Variants in LONP2 observed in about 807,000 individuals in gnomAD.
LONP2 encodes the protein lon protease homolog 2, peroxisomal.
A neutral mutation model predicts 85.6 loss-of-function variants in LONP2; 60 were observed. The ratio of observed to expected loss-of-function variants is 0.70; its 90% confidence interval spans 0.57 to 0.87. The LOEUF is 0.87. LONP2 is among the 40% of genes least tolerant of loss of function. LONP2 has a pLI of 0.00. For missense variants in LONP2, 860 were observed against 1,063.5 expected (o/e 0.81, Z 2.66); for synonymous variants, 395 against 389.7 (o/e 1.01, Z -0.16).
At chr16:48,333,671 GGAGAGAGAGAAAGAGA>G (rs1959540854) in intron 11 of LONP2, among the ~76,000 whole-genome samples, 1 of 151,360 alleles carries the variant, frequency 6.6e-6, no homozygotes, top group South Asian at 2.1e-4. Context: ...AGTGTTGGGG[GGAGAGAGAGAAAGAGA>G]GAGAGAGAGA....
intron 4 of LONP2, among the ~76,000 whole-genome samples, chr16:48,260,540 A>T (rs773573578): frequency 6.6e-6 from 1 of 152,244 alleles, no homozygotes; most frequent in Non-Finnish European, 1.5e-5. Context: ...TTGAGGCTGC[A>T]GTAAGCAGTG....
rs182012803 is a variant in LONP2 at position 48,335,394 on chromosome 16, T to C, written c.1938+1036T>C. Among the ~76,000 whole-genome samples, 452 of 152,290 alleles carry C rather than the reference T, an allele frequency of 3.0e-3. 3 individuals are homozygous for C. Among genetic ancestry groups the C allele is most frequent in the Admixed American group, 7.1e-3 (109 of 15,298 alleles). On this transcript the variant is annotated intron_variant, in intron 12 of 14. Transcript: ENST00000285737. ...CCTATTTTCATCTTTCTCTCCTAAC[T>C]GTACCTCACAGCAGAAGGCCTGGGT...
downstream of LONP2, among the ~76,000 whole-genome samples, chr16:48,360,194 C>T (rs1960525617): frequency 1.3e-5 from 2 of 152,204 alleles, no homozygotes; most frequent in South Asian, 4.1e-4. Flanking sequence ...CACTTAGGTG[C>T]CTGGAAGTCT....
At chr16:48,336,011 C>T (rs974746268) in intron 12 of LONP2, among the ~76,000 whole-genome samples, 2 of 152,196 alleles carry the variant, frequency 1.3e-5, no homozygotes, top group Non-Finnish European at 2.9e-5. Context: ...AGTGAAGACG[C>T]AAACAGGTTT....
downstream of LONP2, chr16:48,357,397 T>A (rs944816236): frequency 4.6e-5 from 7 of 152,228 alleles, no homozygotes; most frequent in African/African-American, 1.7e-4. Context: ...TACTCCTTTG[T>A]GCTTTGAACA....
intron 1 of LONP2, among the ~76,000 whole-genome samples, chr16:48,246,075 G>A (rs1055791480): frequency 6.6e-6 from 1 of 152,032 alleles, no homozygotes; most frequent in Non-Finnish European, 1.5e-5. Flanking sequence ...AGAATCCTTT[G>A]CTTTCTTCAG....
At chr16:48,336,438 C>T (rs1351890972) in intron 12 of LONP2, 8 of 455,986 alleles carry the variant, frequency 1.8e-5, no homozygotes, top group Middle Eastern at 3.2e-4. Flanking sequence ...TGCGTGCGTG[C>T]GGAGAGACCA....
downstream of LONP2, chr16:48,361,502 G>A: frequency 6.8e-6 from 10 of 1,464,208 alleles, no homozygotes; most frequent in Non-Finnish European, 9.5e-6. Context: ...AGAGTTTTAG[G>A]TTGGCAGACA....
At chr16:48,262,259 CCTCA>C (rs1436218112) in intron 5 of LONP2, among the ~76,000 whole-genome samples, 1 of 152,062 alleles carries the variant, frequency 6.6e-6, no homozygotes, top group African/African-American at 2.4e-5. Context: ...TATGAGCAGA[CCTCA>C]CTCATCTCTG....
At chr16:48,261,665 T>A in intron 5 of LONP2, 78 bp downstream of exon 5, 1 of 1,076,472 alleles carries the variant, frequency 9.3e-7, no homozygotes. Flanking sequence ...ACTACTCTTT[T>A]CTCCAATACT....
downstream of LONP2, among the ~76,000 whole-genome samples, chr16:48,359,399 T>C (rs1177343825): frequency 2.0e-5 from 3 of 152,256 alleles, no homozygotes; most frequent in African/African-American, 4.8e-5. Flanking sequence ...TATAAATCTG[T>C]GGTTGAACTG....
chr16:48,307,533 G>A (rs897081866), intron 11 of LONP2, among the ~76,000 whole-genome samples: 6 of 152,074 alleles, frequency 3.9e-5, no homozygotes, highest in Non-Finnish European at 1.5e-5. Context: ...AGCAAAGAAG[G>A]ATTTATATTA....
At chr16:48,339,161 A>G (rs1192352104) in intron 12 of LONP2, among the ~76,000 whole-genome samples, 1 of 152,168 alleles carries the variant, frequency 6.6e-6, no homozygotes, top group African/African-American at 2.4e-5. Context: ...AGAGAAGAGG[A>G]GCCAACAAAG....
chr16:48,308,789 A>G (rs1972968028), intron 11 of LONP2, among the ~76,000 whole-genome samples: 1 of 152,170 alleles, frequency 6.6e-6, no homozygotes, highest in Middle Eastern at 3.2e-3. Flanking sequence ...CAACAAAACC[A>G]AAAGTAGACA....
chr16:48,320,377 A>G (rs879320565), intron 11 of LONP2, among the ~76,000 whole-genome samples: 26 of 152,140 alleles, frequency 1.7e-4, no homozygotes, highest in Non-Finnish European at 3.1e-4. Flanking sequence ...CAGGACAAAT[A>G]AGAATTTATA....
chr16:48,292,021 G>A (rs529944847), intron 8 of LONP2, among the ~76,000 whole-genome samples: 2 of 152,282 alleles, frequency 1.3e-5, no homozygotes, highest in South Asian at 2.1e-4. Flanking sequence ...ATTTTAAAAG[G>A]TATGAGTAGA....
At chr16:48,319,954 A>C (rs1460699079) in intron 11 of LONP2, among the ~76,000 whole-genome samples, 1 of 151,976 alleles carries the variant, frequency 6.6e-6, no homozygotes, top group Non-Finnish European at 1.5e-5. Context: ...CGAGGTCAGG[A>C]GTTCAAGACC....
In LONP2 at chr16:48,262,841, G is replaced by C; in HGVS notation, c.951G>C (p.Met317Ile). ...YALTRNYLEL[M>I]VELPWNKSTT... ...TGACTAGAAATTATTTGGAACTTAT[G>C]GTAGAACTTCCTTGGAACAAAAGTA... The change falls in exon 6 of 15, where the codon ATG becomes ATC. Residue 317 changes from methionine (M) to isoleucine (I), a missense_variant. Around this residue, in one of 3 missense-constraint regions of LONP2, gnomAD observed 743 missense variants for 917.3 expected, o/e 0.81. Transcript: ENST00000285737. 1 of 1,610,296 alleles carries C rather than the reference G, an allele frequency of 6.2e-7. No individual in the cohort carries two copies. The highest frequency in any genetic ancestry group is 8.5e-7 in the Non-Finnish European group (1 of 1,177,930).
chr16:48,273,228 CA>C (rs1972142143), intron 7 of LONP2, among the ~76,000 whole-genome samples: 2 of 152,190 alleles, frequency 1.3e-5, no homozygotes, highest in Admixed American at 1.3e-4. Flanking sequence ...TTTTGCCACT[CA>C]CTCTCCCTGT....
Sources: gnomAD v4.1 joint callset for allele counts (sites outside exome capture counted in the v4.1 genomes callset) on GRCh38, gnomAD v4.1.1 for gene constraint, gnomAD v4.1.1 regional missense constraint, MANE v1.5 for transcripts, NCBI Gene and HGNC (gene_info 2026-07-23, HGNC 2026-07-21) for gene names.